REEP3: variants seen among roughly 807,000 people sequenced by gnomAD.
REEP3 encodes the protein receptor accessory protein 3, also known as receptor expression-enhancing protein 3.
REEP3 carries 20 observed loss-of-function variants against 41.3 expected under a neutral mutation model. That is an observed-to-expected ratio of 0.48 (90% CI 0.34 to 0.70). The LOEUF is 0.70. REEP3 is among the 30% of genes least tolerant of loss of function. REEP3 has a pLI of 0.01. For synonymous variants in REEP3, 104 were observed against 101.8 expected (o/e 1.02, Z -0.13); for missense variants, 271 against 308.8 (o/e 0.88, Z 0.92).
At chr10:63,613,129 A>G (rs1314672371) in intron 6 of REEP3, among the ~76,000 whole-genome samples, 1 of 151,840 alleles carries the variant, frequency 6.6e-6, no homozygotes, top group Non-Finnish European at 1.5e-5. Flanking sequence ...CTCCTGCCTT[A>G]GCCTCCTGAG....
At chr10:63,594,308 C>G (rs1291311963) in intron 2 of REEP3, among the ~76,000 whole-genome samples, 1 of 151,944 alleles carries the variant, frequency 6.6e-6, no homozygotes, top group East Asian at 1.9e-4. Context: ...GGATCACTTG[C>G]ACTGGAAGGT....
intron 1 of REEP3, among the ~76,000 whole-genome samples, chr10:63,533,317 G>C (rs1396130342): frequency 6.6e-6 from 1 of 152,178 alleles, no homozygotes; most frequent in Non-Finnish European, 1.5e-5. Flanking sequence ...TGAAGAAAGT[G>C]CAGATATGGA....
chr10:63,555,758 A>C (rs908601116), intron 1 of REEP3, among the ~76,000 whole-genome samples: 1 of 152,176 alleles, frequency 6.6e-6, no homozygotes, highest in African/African-American at 2.4e-5. Context: ...TCCAACACCA[A>C]ACTAAGCATA....
intron 2 of REEP3, among the ~76,000 whole-genome samples, chr10:63,573,913 T>G (rs1161963676): frequency 1.3e-5 from 2 of 152,244 alleles, no homozygotes; most frequent in African/African-American, 4.8e-5. Context: ...GGATTTTTAC[T>G]GAAAATTAGT....
chr10:63,612,422 T>A (rs186409015), intron 6 of REEP3, among the ~76,000 whole-genome samples: 1 of 152,202 alleles, frequency 6.6e-6, no homozygotes, highest in Admixed American at 6.5e-5. Flanking sequence ...TCTGTGTGTC[T>A]TGGCCTCCCA....
intron 1 of REEP3, among the ~76,000 whole-genome samples, chr10:63,524,329 C>T (rs1347733641): frequency 6.6e-6 from 1 of 152,162 alleles, no homozygotes; most frequent in Non-Finnish European, 1.5e-5. Context: ...ACATGAACCT[C>T]TGGTAGCATG....
chr10:63,606,334 TTGTTTCTTTCTCTCTCTC>T (rs1468651613), intron 5 of REEP3, among the ~76,000 whole-genome samples: 5 of 124,024 alleles, frequency 4.0e-5, no homozygotes, highest in African/African-American at 1.2e-4. Flanking sequence ...CTCCCTCTCT[TTGTTTCTTTCTCTCTCTC>T]TCTTTCTTTC....
At chr10:63,583,722 C>T (rs923215529) in intron 2 of REEP3, among the ~76,000 whole-genome samples, 1 of 152,148 alleles carries the variant, frequency 6.6e-6, no homozygotes, top group Non-Finnish European at 1.5e-5. Context: ...TCTTTTTTCC[C>T]ATGCTAAAAT....
chr10:63,611,886 G>A (rs1419040541), intron 6 of REEP3, among the ~76,000 whole-genome samples: 1 of 149,516 alleles, frequency 6.7e-6, no homozygotes, highest in Non-Finnish European at 1.5e-5. Context: ...GCTGCAATGA[G>A]CCATGATCAC....
intron 5 of REEP3, among the ~76,000 whole-genome samples, chr10:63,605,361 A>G (rs537049276): frequency 1.2e-3 from 183 of 152,314 alleles, no homozygotes; most frequent in African/African-American, 4.1e-3. Context: ...GCATGGGGAA[A>G]TGAGATTTCC....
intron 6 of REEP3, among the ~76,000 whole-genome samples, chr10:63,611,960 A>T (rs553369339): frequency 6.7e-4 from 102 of 151,860 alleles, no homozygotes; most frequent in African/African-American, 2.3e-3. Context: ...AAAGAAAAAG[A>T]AAAAGAAAAA....
chr10:63,549,779 A>G (rs546394758), intron 1 of REEP3, among the ~76,000 whole-genome samples: 2 of 152,342 alleles, frequency 1.3e-5, no homozygotes, highest in South Asian at 4.1e-4. Flanking sequence ...CAGATAAGAA[A>G]GGGGAGGAAG....
At chr10:63,597,941 G>A (rs1166280671) in intron 3 of REEP3, 83 bp from the exon 4 acceptor site, 3 of 1,224,956 alleles carry the variant, frequency 2.4e-6, no homozygotes, top group Non-Finnish European at 2.3e-6. Flanking sequence ...CATAGTGACT[G>A]AACTTTTTAA....
At chr10:63,576,855 T>C (rs1290064856) in intron 2 of REEP3, among the ~76,000 whole-genome samples, 1 of 152,178 alleles carries the variant, frequency 6.6e-6, no homozygotes, top group African/African-American at 2.4e-5. Flanking sequence ...CTCTTTTTCC[T>C]TTTCATATAA....
rs1050484142 is a variant in REEP3, at chr10:63,612,612, G to A, written c.565+2278G>A. Among the ~76,000 whole-genome samples the A allele has an allele frequency of 7.9e-5, 12 of 151,710 alleles. No individual in the cohort carries two copies. In the East Asian group the frequency reaches 9.7e-4, roughly 12 times the overall value. ...TCGAGACCAGCCTGGCCAACATGGC[G>A]AAACCCTGTCTCCACCAAAAATACA... On this transcript the variant is annotated intron_variant, in intron 6 of 7. Coordinates refer to ENST00000373758, the MANE Select transcript of REEP3 (RefSeq NM_001001330.3).
intron 5 of REEP3, among the ~76,000 whole-genome samples, chr10:63,603,792 A>G (rs1956198775): frequency 6.6e-6 from 1 of 152,182 alleles, no homozygotes; most frequent in Non-Finnish European, 1.5e-5. Context: ...TATGCTGAAC[A>G]TAGCGTAATG....
chr10:63,572,583 G>C (rs898042906), intron 2 of REEP3, among the ~76,000 whole-genome samples: 3 of 152,048 alleles, frequency 2.0e-5, no homozygotes, highest in Non-Finnish European at 4.4e-5. Flanking sequence ...TCCTCATAAA[G>C]TTTTCCTATA....
intron 6 of REEP3, among the ~76,000 whole-genome samples, chr10:63,619,172 A>G (rs992857401): frequency 3.9e-5 from 6 of 152,212 alleles, no homozygotes; most frequent in African/African-American, 1.4e-4. Flanking sequence ...CAATGCCTTA[A>G]GTAAACCCTA....
Position 63,624,577 on chromosome 10 carries a change from A to G in REEP3, c.*3708A>G, listed in dbSNP as rs1316343896. The stretch of plus-strand genomic sequence containing the variant: ...AAATAAACTCATTTTATTTGTGGCA[A>G]TTCGCGTTTCTTTTTTTATGCCAGA... On this transcript the variant is annotated 3_prime_UTR_variant, in exon 8 of 8. Transcript: ENST00000373758. The G allele has an allele frequency of 1.3e-5, 2 of 152,098 alleles. No individual in the cohort carries two copies. The highest frequency in any genetic ancestry group is 2.9e-5 in the Non-Finnish European group (2 of 67,968). The allele number at this position is 152,098 out of a possible 1,614,324, so 9.4% of individuals were successfully genotyped here.
Sources: gnomAD v4.1 joint callset for allele counts (sites outside exome capture counted in the v4.1 genomes callset) on GRCh38, gnomAD v4.1.1 for gene constraint, MANE v1.5 for transcripts, NCBI Gene and HGNC (gene_info 2026-07-23, HGNC 2026-07-21) for gene names.